The following SPTBN2 variants were observed in gnomAD, a reference collection of about 807,000 sequenced individuals.
SPTBN2 encodes spectrin beta, non-erythrocytic 2.
In SPTBN2, 107 loss-of-function variants were observed where a neutral mutation model predicts 284.2. That is an observed-to-expected ratio of 0.38 (90% CI 0.32 to 0.44). SPTBN2 has a LOEUF of 0.44. Among genes scored for constraint, SPTBN2 ranks in the 20% least tolerant of loss-of-function variants. The pLI is 1.00. For missense variants in SPTBN2, 2,569 were observed against 3,287.1 expected (o/e 0.78, Z 5.34); for synonymous variants, 1,289 against 1,354.8 (o/e 0.95, Z 1.07).
At chr11:66,729,315 G>A (rs1707328325), upstream of SPTBN2, 1 of 152,202 alleles carries the variant, frequency 6.6e-6, no homozygotes, top group African/African-American at 2.4e-5. Context: ...AGAAGTAGGT[G>A]CTGTTCTTCC....
intron 1 of SPTBN2, among the ~76,000 whole-genome samples, chr11:66,743,214 G>A (rs959627915): frequency 6.6e-6 from 1 of 152,128 alleles, no homozygotes; most frequent in African/African-American, 2.4e-5. Context: ...TGATGGTTAC[G>A]ATGGATTTTC....
Position 66,693,085 on chromosome 11 carries a change from G to A in SPTBN2, c.4870C>T (p.Gln1624Ter). The change falls in exon 25 of 38, where the codon CAG becomes TAG. Residue 1624 changes from glutamine to a stop codon, truncating the protein, a stop_gained. Coordinates refer to ENST00000533211, the MANE Select transcript of SPTBN2 (RefSeq NM_006946.4). LOFTEE classifies it high-confidence loss of function. The surrounding 1 kb of genome is among the most constrained non-coding windows in gnomAD (Gnocchi z 5.7). ...ACCTGGTGCTTCTTCACCTCTGCCTGGGCACTCAGCTCATCCTGGGGGAAG... is the reference window on the plus strand; with the variant it reads ...ACCTGGTGCTTCTTCACCTCTGCCTAGGCACTCAGCTCATCCTGGGGGAAG... ...QEKAKDELSAQAEVKKHQVLE... is the reference protein window; with the variant it reads ...QEKAKDELSA 1 of 1,614,102 alleles carries A rather than the reference G, an allele frequency of 6.2e-7. No individual in the cohort carries two copies. The highest frequency in any genetic ancestry group is 8.5e-7 in the Non-Finnish European group (1 of 1,180,026).
Position 66,708,688 on chromosome 11 carries a change from TCAGA to T in SPTBN2, c.1191+210_1191+213del, listed in dbSNP as rs1182926235. 2.0e-5 allele frequency among the ~76,000 whole-genome samples: 3 copies of T among 151,400 alleles called. No homozygotes were observed. The highest frequency in any genetic ancestry group is 7.3e-5 in the African/African-American group (3 of 41,140). Reference sequence around the variant, plus strand: ...TCCTTATGTGACCTCGTATGGAGAGTCAGACAAAGGGACAGGGAGCCGTGTGCCT... The same window carrying T: ...TCCTTATGTGACCTCGTATGGAGAGTCAAAGGGACAGGGAGCCGTGTGCCT... On this transcript the variant is annotated intron_variant, in intron 11 of 37. Transcript: ENST00000533211. This position sits in a 1 kb window ranked among gnomAD's most constrained non-coding sequence, Gnocchi z 4.4.
intron 21 of SPTBN2, among the ~76,000 whole-genome samples, 190 bp from the exon 22 acceptor site, chr11:66,694,553 G>A (rs1940790719): frequency 6.6e-6 from 1 of 152,196 alleles, no homozygotes; most frequent in Non-Finnish European, 1.5e-5. Context: ...AAGGGCAGGG[G>A]TTGAAAAAAT....
intron 21 of SPTBN2, 23 bp from the exon 22 acceptor site, chr11:66,694,386 A>C: frequency 1.9e-6 from 3 of 1,611,610 alleles, no homozygotes; most frequent in Non-Finnish European, 2.5e-6. Flanking sequence ...AGGAGGAAGG[A>C]CATGTTAGCT....
Position 66,707,896 on chromosome 11 carries a change from T to G in SPTBN2, c.1351-78A>C. The stretch of plus-strand genomic sequence containing the variant: ...CCTGCTCCTCTGTCCTGCAGGGCAC[T>G]TGGCCTGCAAGATCCCAGCTCCATG... On this transcript the variant is annotated intron_variant, in intron 12 of 37. Transcript: ENST00000533211. The surrounding 1 kb of genome is among the most constrained non-coding windows in gnomAD (Gnocchi z 4.9). The G allele has an allele frequency of 6.5e-7, 1 of 1,543,314 alleles. No homozygotes were observed. Among genetic ancestry groups the G allele is most frequent in the Non-Finnish European group, 8.8e-7 (1 of 1,138,250 alleles).
Position 66,704,903 on chromosome 11 carries a change from G to T in SPTBN2, c.2373C>A (p.Ala791=), listed in dbSNP as rs762186316. ...STQALARQHR[A]LEEEIRSHRP... ...GGTGGCTTCGAATCTCCTCCTCCAG[G>T]GCCCGATGCTGCCTGGCTAGAGCCT... Residue 791 remains alanine, a synonymous_variant, in exon 15 of 38, where the codon GCC becomes GCA. Transcript: ENST00000533211. The T allele has an allele frequency of 1.2e-6, 2 of 1,611,670 alleles. No individual in the cohort carries two copies. Among genetic ancestry groups the T allele is most frequent in the African/African-American group, 1.3e-5 (1 of 75,060 alleles).
chr11:66,720,445 G>A (rs1387588500), intron 3 of SPTBN2, among the ~76,000 whole-genome samples: 1 of 152,200 alleles, frequency 6.6e-6, no homozygotes, highest in Non-Finnish European at 1.5e-5. Context: ...CCGGAAGACA[G>A]GGAGGCCGTT....
At chr11:66,714,524 GCA>G in intron 5 of SPTBN2, 117 bp from the exon 6 acceptor site, 1 of 915,258 alleles carries the variant, frequency 1.1e-6, no homozygotes, top group East Asian at 2.6e-5. Flanking sequence ...GGGTGGACAG[GCA>G]TAGCCTGAGG....
Position 66,715,350 on chromosome 11 carries a change from C to T in SPTBN2, c.355G>A (p.Val119Met), listed in dbSNP as rs760516394. 1.9e-6 allele frequency: 3 copies of T among 1,614,156 alleles called. No homozygotes were observed. Among genetic ancestry groups the T allele is most frequent in the Non-Finnish European group, 2.5e-6 (3 of 1,179,996 alleles). ...TTGAGGAACTGCAGTGCCTTGTCCA[C>T]GTTCTCCAGGCAGTGGATCCGCATG... ...GRMRIHCLENVDKALQFLKEQ... is the reference protein window; with the variant it reads ...GRMRIHCLENMDKALQFLKEQ... Residue 119 changes from valine to methionine, a missense_variant, in exon 5 of 38, where the codon GTG becomes ATG. Coordinates refer to ENST00000533211, the MANE Select transcript of SPTBN2 (RefSeq NM_006946.4). This position sits in a 1 kb window ranked among gnomAD's most constrained non-coding sequence, Gnocchi z 5.3.
Position 66,704,953 on chromosome 11 carries a change from G to C in SPTBN2, c.2323C>G (p.Leu775Val), listed in dbSNP as rs745402988. Residue 775 changes from leucine (L) to valine (V), a missense_variant, in exon 15 of 38, where the codon CTG becomes GTG. By Grantham distance (32) the Leu-to-Val change is conservative (BLOSUM62 1). Coordinates refer to ENST00000533211, the MANE Select transcript of SPTBN2 (RefSeq NM_006946.4). ...DALRLVSSPE[L>V]GHDEFSTQAL... is the part of the protein sequence containing the mutation. ...TGCGTGGAGAACTCGTCGTGCCCCA[G>C]CTCGGGGCTGGACACCAGGCGCAGT... The C allele has an allele frequency of 6.8e-6, 11 of 1,610,018 alleles. No homozygotes were observed. Among genetic ancestry groups the C allele is most frequent in the Middle Eastern group, 1.6e-4 (1 of 6,062 alleles).
chr11:66,701,223 C>G lies in SPTBN2; in HGVS notation c.2876G>C (p.Ser959Thr). ...GCACTCTAAGTGGTAGTTCTGGATG[C>G]TCAGGGCTGAGGTGAGAGCTGCCTT... Reference protein sequence around the residue: ...GKKAALTSALSIQNYHLECTE... With the variant: ...GKKAALTSALTIQNYHLECTE... Residue 959 changes from serine (S) to threonine (T), a missense_variant, in exon 17 of 38, where the codon AGC (serine) becomes ACC (threonine). Ser to Thr is a moderately conservative substitution (Grantham distance 58, BLOSUM62 1). Transcript: ENST00000533211. The G allele has an allele frequency of 6.2e-7, 1 of 1,613,156 alleles. No homozygotes were observed. The highest frequency in any genetic ancestry group is 1.1e-5 in the South Asian group (1 of 91,092).
At chr11:66,741,447 T>C (rs1942895138) in intron 1 of SPTBN2, among the ~76,000 whole-genome samples, 1 of 152,194 alleles carries the variant, frequency 6.6e-6, no homozygotes, top group Admixed American at 6.5e-5. Context: ...CTTTATAAAT[T>C]ACCCAGTGTC....
At chr11:66,730,505 G>A (rs761955615), upstream of SPTBN2, among the ~76,000 whole-genome samples, 2 of 151,698 alleles carry the variant, frequency 1.3e-5, no homozygotes, top group Non-Finnish European at 2.9e-5. Flanking sequence ...GCTTGAACCC[G>A]GGAGGCAGAG....
At chr11:66,734,547 C>G (rs1942839484) in intron 1 of SPTBN2, among the ~76,000 whole-genome samples, 1 of 152,186 alleles carries the variant, frequency 6.6e-6, no homozygotes, top group African/African-American at 2.4e-5. Flanking sequence ...CTTCCATTCA[C>G]CCAATGTTTA....
intron 1 of SPTBN2, among the ~76,000 whole-genome samples, chr11:66,735,732 C>A (rs1337785425): frequency 6.6e-6 from 1 of 152,082 alleles, no homozygotes; most frequent in Non-Finnish European, 1.5e-5. Flanking sequence ...AAACAAAAAA[C>A]CAAACTTGCA....
In SPTBN2 at chr11:66,691,721, T is replaced by G; in HGVS notation, c.5191-63A>C. 6.2e-7 allele frequency: 1 copy of G among 1,607,402 alleles called. No individual in the cohort carries two copies. The highest frequency in any genetic ancestry group is 8.5e-7 in the Non-Finnish European group (1 of 1,179,320). On this transcript the variant is annotated intron_variant, in intron 26 of 37. Transcript: ENST00000533211. This position sits in a 1 kb window ranked among gnomAD's most constrained non-coding sequence, Gnocchi z 8.0. ...GTTAGGGGATGTGGTCCCTGCCTGA[T>G]GGAGCGAGTCCTCCACTCCAAACTC...
At chr11:66,734,894 T>C (rs1942841725) in intron 1 of SPTBN2, among the ~76,000 whole-genome samples, 1 of 152,150 alleles carries the variant, frequency 6.6e-6, no homozygotes. Flanking sequence ...CTAATCTATC[T>C]CCATCACTTA....
Position 66,693,731 on chromosome 11 carries a change from G to A in SPTBN2, c.4593+41C>T, listed in dbSNP as rs779916827. The A allele has an allele frequency of 4.4e-6, 7 of 1,574,236 alleles. No homozygotes were observed. The Admixed American group carries it at 1.3e-4, about 28-fold the overall frequency. ...AAAAAACACGTCCAAGTCTGGGCAG[G>A]CTCCTGGGAACTTCTCTTTTGCCTT... On this transcript the variant is annotated intron_variant, in intron 23 of 37. Transcript: ENST00000533211. This position sits in a 1 kb window ranked among gnomAD's most constrained non-coding sequence, Gnocchi z 5.7.
Sources: allele counts gnomAD v4.1 joint callset (sites outside exome capture counted in the v4.1 genomes callset), GRCh38; gene constraint gnomAD v4.1.1; non-coding constraint Gnocchi (gnomAD v3.1); transcripts MANE v1.5; gene names NCBI Gene and HGNC (gene_info 2026-07-23, HGNC 2026-07-21).